The following CNTNAP5 variants were observed in gnomAD, a reference collection of about 807,000 sequenced individuals.
CNTNAP5 encodes contactin associated protein family member 5.
In CNTNAP5, 72 loss-of-function variants were observed where a neutral mutation model predicts 150.2. That is an observed-to-expected ratio of 0.48 (90% CI 0.40 to 0.58). The LOEUF is 0.58. Ranked by LOEUF, CNTNAP5 falls within the 20% of genes least tolerant of loss-of-function variation. The probability of loss-of-function intolerance (pLI) is 0.00; values close to 1 mark genes in which losing one functional copy is unlikely to be tolerated. For missense variants in CNTNAP5, 1,636 were observed against 1,626.2 expected (o/e 1.01, Z -0.10); for synonymous variants, 672 against 619.8 (o/e 1.08, Z -1.25).
chr2:124,519,230 G>C (rs1035357116), intron 8 of CNTNAP5, among the ~76,000 whole-genome samples: 2 of 152,028 alleles, frequency 1.3e-5, no homozygotes, highest in African/African-American at 4.8e-5. Flanking sequence ...AGGTTACAGA[G>C]TATATTTAGG....
chr2:124,089,989 C>G (rs1269476584), intron 1 of CNTNAP5, among the ~76,000 whole-genome samples: 1 of 152,222 alleles, frequency 6.6e-6, no homozygotes, highest in African/African-American at 2.4e-5. Context: ...CTGTCTTTCC[C>G]CCACGGAGTG....
Position 124,507,284 on chromosome 2 carries a change from C to A in CNTNAP5, c.1327+2728C>A, listed in dbSNP as rs1694433121. ...AATCAGCCTGAGTAACATGGCAAAA[C>A]CCCATCTTTACAAAAAACTGAAAAT... On this transcript the variant is annotated intron_variant, in intron 8 of 23. Coordinates refer to ENST00000682447, the MANE Select transcript of CNTNAP5 (RefSeq NM_001367498.1). Among the ~76,000 whole-genome samples the A allele has an allele frequency of 3.3e-5, 5 of 152,120 alleles. No individual in the cohort carries two copies. In the South Asian group the frequency reaches 1.0e-3, roughly 32 times the overall value.
In CNTNAP5 at chr2:124,798,080, C is replaced by T; in HGVS notation, c.2993-16C>T. ...TAAAGGTTTCAATGTGTGCTCTCCC[C>T]TCTTATATTTTGCAGAGGTTTCTGC... On this transcript the variant is annotated splice_polypyrimidine_tract_variant and intron_variant, in intron 18 of 23. Transcript: ENST00000682447. 1.3e-6 allele frequency: 2 copies of T among 1,583,246 alleles called. No homozygotes were observed. The highest frequency in any genetic ancestry group is 1.7e-6 in the Non-Finnish European group (2 of 1,159,970).
At chr2:124,509,315 T>C (rs563960396) in intron 8 of CNTNAP5, among the ~76,000 whole-genome samples, 51 of 152,348 alleles carry the variant, frequency 3.3e-4, no homozygotes, top group African/African-American at 1.2e-3. Context: ...TTCAGGAAGA[T>C]GAAGGACAAC....
chr2:124,646,657 G>T (rs533404282), intron 12 of CNTNAP5, among the ~76,000 whole-genome samples: 2 of 152,176 alleles, frequency 1.3e-5, no homozygotes, highest in South Asian at 4.1e-4. Context: ...TTTAGCCTAG[G>T]TTATTACTAC....
chr2:124,630,477 T>C (rs1677829660), intron 12 of CNTNAP5, among the ~76,000 whole-genome samples: 1 of 152,206 alleles, frequency 6.6e-6, no homozygotes, highest in Admixed American at 6.5e-5. Flanking sequence ...AAAAACCACA[T>C]GATTATCTCA....
At chr2:124,557,922 A>G (rs984822741) in intron 10 of CNTNAP5, among the ~76,000 whole-genome samples, 1 of 152,106 alleles carries the variant, frequency 6.6e-6, no homozygotes, top group Non-Finnish European at 1.5e-5. Flanking sequence ...CAAAGTCAAC[A>G]TGGTTGGAGC....
intron 19 of CNTNAP5, among the ~76,000 whole-genome samples, chr2:124,845,437 T>C (rs958405143): frequency 2.3e-4 from 31 of 136,088 alleles, no homozygotes; most frequent in East Asian, 9.8e-4. Flanking sequence ...TGGTCTGTAG[T>C]ATTTTTTTTT....
chr2:124,711,806 G>A (rs76885068), intron 13 of CNTNAP5, among the ~76,000 whole-genome samples: 24,742 of 151,974 alleles, frequency 0.16, 2,290 homozygotes, highest in East Asian at 0.24. Context: ...GTGTCACTGC[G>A]CTCCAGCATG....
intron 21 of CNTNAP5, among the ~76,000 whole-genome samples, chr2:124,888,828 A>C (rs1489761044): frequency 6.6e-6 from 1 of 151,900 alleles, no homozygotes; most frequent in African/African-American, 2.4e-5. Context: ...GTTTCTTATA[A>C]ATTCTGAAAA....
intron 7 of CNTNAP5, among the ~76,000 whole-genome samples, chr2:124,495,962 G>A (rs989800246): frequency 2.0e-5 from 3 of 151,790 alleles, no homozygotes; most frequent in South Asian, 2.1e-4. Flanking sequence ...AGCAGAATAC[G>A]TGTCTCCCTC....
intron 3 of CNTNAP5, among the ~76,000 whole-genome samples, chr2:124,309,577 G>A (rs1455423593): frequency 6.6e-6 from 1 of 152,182 alleles, no homozygotes; most frequent in Non-Finnish European, 1.5e-5. Flanking sequence ...AATATGGAGG[G>A]AATACAAACA....
chr2:124,256,930 T>G (rs1198682110), intron 3 of CNTNAP5, among the ~76,000 whole-genome samples: 1 of 152,086 alleles, frequency 6.6e-6, no homozygotes, highest in African/African-American at 2.4e-5. Context: ...AAAGGCAAAA[T>G]CATTCTGAAA....
chr2:124,295,917 G>A (rs367554295), intron 3 of CNTNAP5, among the ~76,000 whole-genome samples: 1 of 152,126 alleles, frequency 6.6e-6, no homozygotes, highest in Non-Finnish European at 1.5e-5. Context: ...CAAGAAATAA[G>A]TGATTAAAGG....
chr2:124,465,544 A>T (rs1419269744), intron 6 of CNTNAP5, among the ~76,000 whole-genome samples: 1 of 152,222 alleles, frequency 6.6e-6, no homozygotes, highest in Non-Finnish European at 1.5e-5. Flanking sequence ...TTAAAATCCA[A>T]TTTAACAAAT....
At chr2:124,787,154 C>A (rs1439756179) in intron 17 of CNTNAP5, among the ~76,000 whole-genome samples, 3 of 152,142 alleles carry the variant, frequency 2.0e-5, no homozygotes, top group Non-Finnish European at 4.4e-5. Context: ...ATCTTGCATT[C>A]TTCACTTCTG....
chr2:124,549,431 T>G (rs1373625295), intron 10 of CNTNAP5, among the ~76,000 whole-genome samples: 3 of 152,244 alleles, frequency 2.0e-5, no homozygotes, highest in Non-Finnish European at 2.9e-5. Context: ...AAAATTTTAG[T>G]TCTATCCATA....
intron 3 of CNTNAP5, among the ~76,000 whole-genome samples, chr2:124,414,529 G>A (rs994679991): frequency 1.4e-4 from 21 of 152,102 alleles, no homozygotes; most frequent in African/African-American, 5.1e-4. Context: ...AGGACTTTGA[G>A]ACTGTGAGAT....
intron 11 of CNTNAP5, among the ~76,000 whole-genome samples, chr2:124,572,403 A>G (rs917557868): frequency 6.4e-4 from 97 of 151,692 alleles, no homozygotes; most frequent in African/African-American, 2.3e-3. Context: ...TATACAACAA[A>G]CCCCCATGAC....
Sources: allele counts gnomAD v4.1 joint callset (sites outside exome capture counted in the v4.1 genomes callset), GRCh38; gene constraint gnomAD v4.1.1; transcripts MANE v1.5; gene names NCBI Gene and HGNC (gene_info 2026-07-23, HGNC 2026-07-21).